The following ADD2 variants were observed in gnomAD, a reference collection of about 807,000 sequenced individuals.
ADD2 encodes beta-adducin.
A neutral mutation model predicts 83.0 loss-of-function variants in ADD2; 23 were observed. The observed-to-expected ratio is 0.28, with a 90% CI of 0.20 to 0.39. ADD2 has a LOEUF of 0.39. ADD2 is among the 10% of genes least tolerant of loss of function. The pLI is 1.00. For synonymous variants in ADD2, 375 were observed against 375.4 expected (o/e 1.00, Z 0.01); for missense variants, 758 against 944.9 (o/e 0.80, Z 2.59).
intron 6 of ADD2, among the ~76,000 whole-genome samples, chr2:70,694,392 C>T (rs1437369057): frequency 6.6e-6 from 1 of 152,152 alleles, no homozygotes; most frequent in Admixed American, 6.5e-5. Flanking sequence ...AATCTGCTTG[C>T]ATTACTCCCC....
At position 70,688,060 on chromosome 2, in the gene ADD2, G is replaced by A; in HGVS notation, c.912C>T (p.Tyr304=). The change falls in exon 9 of 16, where the codon TAC becomes TAT. Residue 304 remains tyrosine, a synonymous_variant. Coordinates refer to ENST00000264436, the MANE Select transcript of ADD2 (RefSeq NM_001617.4). Reference sequence around the variant, plus strand: ...ATGCAGCCTGCAGGTGGAAGATCTTGTAAAATGCCTCCTCTACCGTGTCAC... The same window carrying A: ...ATGCAGCCTGCAGGTGGAAGATCTTATAAAATGCCTCCTCTACCGTGTCAC... ...ALGDTVEEAF[Y]KIFHLQAACE... The A allele has an allele frequency of 6.2e-7, 1 of 1,614,190 alleles. No homozygotes were observed. The highest frequency in any genetic ancestry group is 1.1e-5 in the South Asian group (1 of 91,088).
chr2:70,721,549 C>T (rs1156371678), intron 1 of ADD2, among the ~76,000 whole-genome samples: 1 of 152,148 alleles, frequency 6.6e-6, no homozygotes, highest in Non-Finnish European at 1.5e-5. Flanking sequence ...AATTGTTTTC[C>T]TTTATTCTCA....
chr2:70,767,570 C>T (rs1489850835), intron 1 of ADD2: 38 of 1,138,986 alleles, frequency 3.3e-5, no homozygotes, highest in South Asian at 4.0e-5. Context: ...CGAGGCTTGC[C>T]GCCCCTCCAT....
In ADD2 at chr2:70,663,856, A is replaced by T; in HGVS notation, c.1871-121T>A. On this transcript the variant is annotated intron_variant, in intron 15 of 15. Transcript: ENST00000264436. ...ATCAATCCAGAGCGAGGGGAGGGCCAGCCTGATGTTGAGGGATGGCTACCA... is the reference window on the plus strand; with the variant it reads ...ATCAATCCAGAGCGAGGGGAGGGCCTGCCTGATGTTGAGGGATGGCTACCA... 3.7e-6 allele frequency: 4 copies of T among 1,088,038 alleles called. No homozygotes were observed. The South Asian group carries it at 4.9e-5, about 13-fold the overall frequency. 67.4% of individuals were successfully genotyped at this position (1,088,038 alleles called of 1,614,324 possible).
chr2:70,746,474 T>C (rs782211105), intron 1 of ADD2, among the ~76,000 whole-genome samples: 6 of 152,304 alleles, frequency 3.9e-5, no homozygotes, highest in Non-Finnish European at 7.4e-5. Flanking sequence ...ATTAACCCTT[T>C]AGTCCCCACA....
At position 70,675,713 on chromosome 2, in the gene ADD2, C is replaced by T. The variant is rs898167519; in HGVS notation, c.1594-888G>A. Reference sequence around the variant, plus strand: ...CTGCCCTGGCCCGCCAGGTCTTCTGCCCCTGGGCCCCTTCCAAAAGGGAGG... The same window carrying T: ...CTGCCCTGGCCCGCCAGGTCTTCTGTCCCTGGGCCCCTTCCAAAAGGGAGG... On this transcript the variant is annotated intron_variant, in intron 13 of 15. Transcript: ENST00000264436. The T allele has an allele frequency of 3.0e-6, 3 of 985,324 alleles. No homozygotes were observed. The African/African-American group carries it at 5.2e-5, about 17-fold the overall frequency. 61.0% of individuals were successfully genotyped at this position (985,324 alleles called of 1,614,324 possible). A position where few individuals can be genotyped will look rare whatever the true frequency, so the allele number is the denominator to read the frequency against.
rs909609002 is a variant in ADD2 at position 70,705,420 on chromosome 2, G to A, written c.183+806C>T. On this transcript the variant is annotated intron_variant, in intron 3 of 15. Transcript: ENST00000264436. Reference sequence around the variant, plus strand: ...GCCAAGGCAGAGCGGCTCCCATCTCGAGCCCATCCTGGCAAGCAATTGGAG... The same window carrying A: ...GCCAAGGCAGAGCGGCTCCCATCTCAAGCCCATCCTGGCAAGCAATTGGAG... Among the ~76,000 whole-genome samples the A allele has an allele frequency of 8.5e-5, 5 of 58,700 alleles. No homozygotes were observed. In the South Asian group the frequency reaches 2.6e-3, roughly 31 times the overall value. The allele number at this position is 58,700 out of a possible 152,430, so 38.5% of individuals were successfully genotyped here. A position where few individuals can be genotyped will look rare whatever the true frequency, so the allele number is the denominator to read the frequency against.
Position 70,706,238 on chromosome 2 carries a change from G to A in ADD2, c.171C>T (p.Ile57=), listed in dbSNP as rs551321482. 6.2e-7 allele frequency: 1 copy of A among 1,613,974 alleles called. No individual in the cohort carries two copies. The highest frequency in any genetic ancestry group is 1.1e-5 in the South Asian group (1 of 91,070). The change falls in exon 3 of 16, where the codon ATC becomes ATT. Residue 57 remains isoleucine (I), a synonymous_variant. Coordinates refer to ENST00000264436, the MANE Select transcript of ADD2 (RefSeq NM_001617.4). The surrounding 1 kb of genome is among the most constrained non-coding windows in gnomAD (Gnocchi z 5.0). ...CAGCCCCACTCACGGGACTCTGCAGGATCATGGTGACGCGCTTCTTCTGCT... is the reference window on the plus strand; with the variant it reads ...CAGCCCCACTCACGGGACTCTGCAGAATCATGGTGACGCGCTTCTTCTGCT... ...LMEQKKRVTM[I]LQSPSFREEL... is the part of the protein sequence containing the mutation.
intron 1 of ADD2, among the ~76,000 whole-genome samples, chr2:70,723,715 C>T (rs1484943359): frequency 1.3e-5 from 2 of 152,152 alleles, no homozygotes; most frequent in Non-Finnish European, 2.9e-5. Context: ...TTCCCTGACC[C>T]CCTTGACCCA....
In ADD2 at chr2:70,676,775, C is replaced by T; in HGVS notation, c.1593+21G>A. ...AAGGCAAACACGTTTCCCCGCCAGT[C>T]AGGGGCAGCCTCTGCTCTACCGGGC... On this transcript the variant is annotated intron_variant, in intron 13 of 15. Transcript: ENST00000264436. The surrounding 1 kb of genome is among the most constrained non-coding windows in gnomAD (Gnocchi z 4.8). 1.2e-6 allele frequency: 2 copies of T among 1,614,156 alleles called. No individual in the cohort carries two copies. The highest frequency in any genetic ancestry group is 1.1e-5 in the South Asian group (1 of 91,080).
At chr2:70,712,443 C>CAAAAA (rs11422928) in intron 2 of ADD2, among the ~76,000 whole-genome samples, 16 of 123,244 alleles carry the variant, frequency 1.3e-4, no homozygotes, top group East Asian at 2.4e-4. Flanking sequence ...GACCCTGTCT[C>CAAAAA]AAAAAAAATA....
intron 1 of ADD2, among the ~76,000 whole-genome samples, chr2:70,735,191 C>T (rs1450353922): frequency 3.3e-5 from 5 of 151,760 alleles, no homozygotes; most frequent in Non-Finnish European, 7.4e-5. Flanking sequence ...CAGGAAGGTA[C>T]AGTGAGACAC....
chr2:70,692,598 GC>G, intron 6 of ADD2, 46 bp from the exon 7 acceptor site: 5 of 1,529,442 alleles, frequency 3.3e-6, no homozygotes, highest in Non-Finnish European at 4.4e-6. Flanking sequence ...GGTGGCCGAG[GC>G]CCCGCACTCC....
In ADD2 at chr2:70,676,423, A is replaced by G; in HGVS notation, c.1593+373T>C. On this transcript the variant is annotated intron_variant, in intron 13 of 15. Transcript: ENST00000264436. This position sits in a 1 kb window ranked among gnomAD's most constrained non-coding sequence, Gnocchi z 4.8. The stretch of plus-strand genomic sequence containing the variant: ...CCAGGCTCAGAGGTCAGAGACTCTC[A>G]GGGCTGGGCACACCTGGGGCACCTG... The G allele has an allele frequency of 8.4e-7, 1 of 1,195,524 alleles. No individual in the cohort carries two copies. The highest frequency in any genetic ancestry group is 1.0e-6 in the Non-Finnish European group (1 of 960,372). 74.1% of individuals were successfully genotyped at this position (1,195,524 alleles called of 1,614,324 possible).
intron 1 of ADD2, among the ~76,000 whole-genome samples, chr2:70,747,954 T>C (rs1291339196): frequency 6.6e-6 from 1 of 152,216 alleles, no homozygotes; most frequent in Non-Finnish European, 1.5e-5. Flanking sequence ...CCTTTGGATA[T>C]GAGGCTTTAT....
chr2:70,758,614 A>C (rs782076972), intron 1 of ADD2, among the ~76,000 whole-genome samples: 8 of 152,296 alleles, frequency 5.3e-5, no homozygotes, highest in Non-Finnish European at 1.0e-4. Flanking sequence ...ACTATGCAAC[A>C]TAGTGAGACC....
At chr2:70,691,696 T>C (rs1671043866) in intron 7 of ADD2, 1 of 152,168 alleles carries the variant, frequency 6.6e-6, no homozygotes, top group South Asian at 2.1e-4. Context: ...AGATGCATGC[T>C]CAGCACAAAT....
chr2:70,693,531 C>T (rs3755375), intron 6 of ADD2, among the ~76,000 whole-genome samples: 45,584 of 151,992 alleles, frequency 0.3, 7,131 homozygotes, highest in East Asian at 0.44. Context: ...CTAATGTGGG[C>T]GGAGGGATGT....
chr2:70,758,897 G>A (rs572800562), intron 1 of ADD2, among the ~76,000 whole-genome samples: 4 of 152,250 alleles, frequency 2.6e-5, no homozygotes, highest in Admixed American at 6.5e-5. Context: ...TTTCAGCCAG[G>A]GGCAGTGTGG....
Sources: gnomAD v4.1 joint callset for allele counts (sites outside exome capture counted in the v4.1 genomes callset) on GRCh38, gnomAD v4.1.1 for gene constraint, Gnocchi (gnomAD v3.1) non-coding constraint, MANE v1.5 for transcripts, NCBI Gene and HGNC (gene_info 2026-07-23, HGNC 2026-07-21) for gene names.